Variants in ZNF224 observed in about 807,000 individuals in gnomAD.
The protein encoded by ZNF224 is zinc finger protein 224, also known as bone marrow zinc finger 2.
Under a neutral mutation model 10.5 loss-of-function variants are expected in ZNF224, and 8 were observed. The ratio of observed to expected loss-of-function variants is 0.76; its 90% CI spans 0.45 to 1.37. The LOEUF (loss-of-function observed/expected upper bound fraction) is 1.37, where lower values mean the gene tolerates loss of function less well. Among genes scored for constraint, ZNF224 ranks in the 40% most tolerant of loss-of-function variants. The pLI, the probability that ZNF224 is intolerant of heterozygous loss-of-function variation, is 0.00. For missense variants in ZNF224, 754 were observed against 854.0 expected, an observed-to-expected ratio of 0.88 and a Z score of 1.46; for synonymous variants, 282 against 287.8, an observed-to-expected ratio of 0.98 and a Z score of 0.20.
chr19:44,105,090 C>T (rs1392768186), intron 5 of ZNF224, among the ~76,000 whole-genome samples: 1 of 152,202 alleles, frequency 6.6e-6, no homozygotes, highest in Non-Finnish European at 1.5e-5. Context: ...CCTTAAATCA[C>T]GTTGCTCTTT....
In ZNF224 at chr19:44,108,469, T is replaced by G; in HGVS notation, c.*185T>G. The G allele has an allele frequency of 1.5e-6, 1 of 664,282 alleles. No homozygotes were observed. Among genetic ancestry groups the G allele is most frequent in the Non-Finnish European group, 2.5e-6 (1 of 400,390 alleles). The allele number at this position is 664,282 out of a possible 1,614,324, so 41.1% of individuals were successfully genotyped here. A position where few individuals can be genotyped will look rare whatever the true frequency, so the allele number is the denominator to read the frequency against. ...TCTTGGAAGAGGGAAAACATTTGTT[T>G]AAGATAACATCAGTGCTTCAGCCAT... On this transcript the variant is annotated 3_prime_UTR_variant, in exon 6 of 6. Coordinates refer to ENST00000693561, the MANE Select transcript of ZNF224 (RefSeq NM_001321645.3).
intron 3 of ZNF224, among the ~76,000 whole-genome samples, chr19:44,100,382 A>G (rs1014288191): frequency 1.3e-5 from 2 of 152,222 alleles, no homozygotes; most frequent in Admixed American, 1.3e-4. Flanking sequence ...CAAATGTTGA[A>G]GAAAAACAAT....
chr19:44,109,554 G>A lies in ZNF224; in HGVS notation c.*1270G>A, dbSNP rs1195007904. 2.0e-5 allele frequency: 3 copies of A among 152,042 alleles called. No individual in the cohort carries two copies. The highest frequency in any genetic ancestry group is 6.6e-5 in the Admixed American group (1 of 15,260). 9.4% of individuals were successfully genotyped at this position (152,042 alleles called of 1,614,324 possible). On this transcript the variant is annotated 3_prime_UTR_variant, in exon 6 of 6. Transcript: ENST00000693561. Reference sequence around the variant, plus strand: ...GAGCAGAACATGCCAGAATGTATAAGGTGCAACTGTTTGATATGAAAACCA... The same window carrying A: ...GAGCAGAACATGCCAGAATGTATAAAGTGCAACTGTTTGATATGAAAACCA...
chr19:44,098,868 C>T (rs914567490), intron 3 of ZNF224, among the ~76,000 whole-genome samples: 3 of 152,196 alleles, frequency 2.0e-5, no homozygotes, highest in Non-Finnish European at 2.9e-5. Context: ...CGTGAGCCAC[C>T]GCGCCCAGCC....
At chr19:44,101,056 C>G in intron 4 of ZNF224, 77 bp from the exon 5 acceptor site, 1 of 1,610,622 alleles carries the variant, frequency 6.2e-7, no homozygotes, top group Non-Finnish European at 8.5e-7. Context: ...CAGTAAGAAC[C>G]TAAATTTCTG....
rs1394697558 is a variant in ZNF224 at position 44,107,365 on chromosome 19, G to A, written c.1205G>A (p.Cys402Tyr). 6 of 1,597,594 alleles carry A rather than the reference G, an allele frequency of 3.8e-6. No homozygotes were observed. Among genetic ancestry groups the A allele is most frequent in the Non-Finnish European group, 5.1e-6 (6 of 1,173,336 alleles). ...RVHSGEKPFK[C>Y]EECGKGFYTN... ...CACAGTGGAGAAAAACCATTCAAAT[G>A]TGAAGAATGTGGGAAAGGATTTTAC... is the stretch of plus-strand genomic sequence containing the variant. The change falls in exon 6 of 6, where the codon TGT becomes TAT. Residue 402 changes from cysteine (C) to tyrosine (Y), a missense_variant. Cys to Tyr is a radical substitution (Grantham distance 194). Transcript: ENST00000693561.
chr19:44,102,039 C>T (rs1034813925), intron 5 of ZNF224, among the ~76,000 whole-genome samples: 2 of 152,190 alleles, frequency 1.3e-5, no homozygotes, highest in Non-Finnish European at 2.9e-5. Context: ...ATTGCATCTA[C>T]AACCTCTGTT....
In ZNF224 at chr19:44,107,869, G is replaced by A; in HGVS notation, c.1709G>A (p.Cys570Tyr). The change falls in exon 6 of 6, where the codon TGT (cysteine) becomes TAT (tyrosine). Residue 570 changes from cysteine to tyrosine, a missense_variant. Transcript: ENST00000693561. ...CACAGTGGAGAAAAACCATTCAAAT[G>A]TGAAGAGTGTGGGAAAAGATTTACT... ...RLHSGEKPFK[C>Y]EECGKRFTQN... 1 of 1,601,608 alleles carries A rather than the reference G, an allele frequency of 6.2e-7. No individual in the cohort carries two copies. Among genetic ancestry groups the A allele is most frequent in the African/African-American group, 1.3e-5 (1 of 74,168 alleles).
chr19:44,100,535 G>A (rs1967525698), intron 3 of ZNF224, among the ~76,000 whole-genome samples: 1 of 152,148 alleles, frequency 6.6e-6, no homozygotes, highest in Non-Finnish European at 1.5e-5. Flanking sequence ...CACATTTAGA[G>A]TCCTAGAGGG....
chr19:44,104,799 C>G (rs540944641), intron 5 of ZNF224, among the ~76,000 whole-genome samples: 245 of 152,136 alleles, frequency 1.6e-3, no homozygotes, highest in African/African-American at 5.6e-3. Flanking sequence ...GTAGCTGGGA[C>G]TACAGGCGCC....
intron 3 of ZNF224, among the ~76,000 whole-genome samples, chr19:44,099,170 A>G (rs1967498688): frequency 6.6e-6 from 1 of 152,176 alleles, no homozygotes; most frequent in Non-Finnish European, 1.5e-5. Flanking sequence ...GATGATGTCC[A>G]CAGGTGGCAT....
Position 44,107,512 on chromosome 19 carries a change from CA to C in ZNF224, c.1353del (p.Gly452GlufsTer21). 6.2e-7 allele frequency: 1 copy of C among 1,607,752 alleles called. No homozygotes were observed. The highest frequency in any genetic ancestry group is 8.5e-7 in the Non-Finnish European group (1 of 1,177,394). ...CTTGACTTTCACCAGCGCGTCCATA[CA>C]GGAGAGAAACTGTATAATTGTAAGG... ...LDLDFHQRVHTGEKLYNCKEC... is the reference protein window; with the variant it reads ...LDLDFHQRVHXGEKLYNCKEC... On this transcript the variant is annotated frameshift_variant, in exon 6 of 6. Transcript: ENST00000693561. LOFTEE classifies it low-confidence loss of function (END_TRUNC).
intron 5 of ZNF224, among the ~76,000 whole-genome samples, chr19:44,104,399 A>C (rs1009500893): frequency 6.6e-6 from 1 of 152,204 alleles, no homozygotes; most frequent in Non-Finnish European, 1.5e-5. Flanking sequence ...AAGTGTGGGG[A>C]TTTCCCAAAA....
chr19:44,098,015 T>C, intron 3 of ZNF224, 127 bp downstream of exon 3: 1 of 977,014 alleles, frequency 1.0e-6, no homozygotes. Flanking sequence ...GTGTACCATG[T>C]ACTTCCTTTG....
Position 44,108,185 on chromosome 19 carries a change from G to GAATCT in ZNF224, c.2025_2026insAATCT (p.Gly676AsnfsTer41), listed in dbSNP as rs762552274. On this transcript the variant is annotated frameshift_variant, in exon 6 of 6. Transcript: ENST00000693561. LOFTEE classifies it low-confidence loss of function (END_TRUNC). ...TTGATATGCATCAGAGGGTCCACAT[G>GAATCT]GGAGAGAAAACATGGAAGTGTAGGG... 2.5e-5 allele frequency: 40 copies of GAATCT among 1,614,232 alleles called. No individual in the cohort carries two copies. Among genetic ancestry groups the GAATCT allele is most frequent in the Non-Finnish European group, 3.3e-5 (39 of 1,180,036 alleles).
Position 44,101,427 on chromosome 19 carries a change from G to GT in ZNF224, c.235+203dup, listed in dbSNP as rs142213469. On this transcript the variant is annotated intron_variant, in intron 5 of 5. Transcript: ENST00000693561. ...GCAGCCAAAGTGATCCTTAGGAAAT[G>GT]TAAGTCAGATTGCCATTCCTCAGCT... is the stretch of plus-strand genomic sequence containing the variant. 8.2e-3 allele frequency among the ~76,000 whole-genome samples: 1,245 copies of GT among 152,334 alleles called. 25 individuals carry two copies. Among genetic ancestry groups the GT allele is most frequent in the African/African-American group, 0.029 (1,193 of 41,578 alleles).
rs768203897 is a variant in ZNF224 at position 44,107,798 on chromosome 19, G to A, written c.1638G>A (p.Gly546=). The change falls in exon 6 of 6, where the codon GGG becomes GGA. Residue 546 remains glycine (G), a synonymous_variant. Coordinates refer to ENST00000693561, the MANE Select transcript of ZNF224 (RefSeq NM_001321645.3). ...GACCATACAATTGTAAGGAATGTGG[G>A]AAGAGTTTTGGCTGGGCCTCGTGTC... ...GERPYNCKEC[G]KSFGWASCLL... is the part of the protein sequence containing the mutation. The A allele has an allele frequency of 2.5e-6, 4 of 1,601,734 alleles. No individual in the cohort carries two copies. Among genetic ancestry groups the A allele is most frequent in the South Asian group, 1.1e-5 (1 of 90,402 alleles).
chr19:44,100,363 T>C (rs1002922155), intron 3 of ZNF224, among the ~76,000 whole-genome samples: 4 of 152,180 alleles, frequency 2.6e-5, no homozygotes, highest in Non-Finnish European at 1.5e-5. Context: ...CATAAGCTTG[T>C]CAGTTTGGCA....
At chr19:44,102,984 A>G (rs1270752063) in intron 5 of ZNF224, among the ~76,000 whole-genome samples, 2 of 152,242 alleles carry the variant, frequency 1.3e-5, no homozygotes, top group African/African-American at 4.8e-5. Context: ...GGAAGAGAGC[A>G]ACACAATTCA....
Sources: gnomAD v4.1 joint callset for allele counts (sites outside exome capture counted in the v4.1 genomes callset) on GRCh38, gnomAD v4.1.1 for gene constraint, MANE v1.5 for transcripts, NCBI Gene and HGNC (gene_info 2026-07-23, HGNC 2026-07-21) for gene names.